The following ISL1 variants were observed in gnomAD, a reference collection of about 807,000 sequenced individuals.
The protein encoded by ISL1 is ISL LIM homeobox 1, also known as insulin gene enhancer protein ISL-1.
In ISL1, 4 loss-of-function variants were observed where a neutral mutation model predicts 35.3. The observed-to-expected ratio is 0.11, with a 90% CI of 0.06 to 0.26. The LOEUF is 0.26. Ranked by LOEUF, ISL1 falls within the 10% of genes least tolerant of loss-of-function variation. The probability of loss-of-function intolerance (pLI) is 1.00; values close to 1 mark genes in which losing one functional copy is unlikely to be tolerated. For missense variants in ISL1, 340 were observed against 472.8 expected (o/e 0.72, Z 2.60); for synonymous variants, 186 against 172.3 (o/e 1.08, Z -0.62).
At position 51,383,683 on chromosome 5, in the gene ISL1, G is replaced by A. The variant is rs1479416008; in HGVS notation, c.12G>A (p.Met4Ile). Residue 4 changes from methionine (M) to isoleucine (I), a missense_variant, in exon 1 of 6, where the codon ATG becomes ATA. Transcript: ENST00000230658. ...TCCCTCTTACAGATATGGGAGACAT[G>A]GGAGATCCACCAAAAAGTAAGAGGC... Reference protein sequence around the residue: MGDMGDPPKKKRLI... With the variant: MGDIGDPPKKKRLI... 6.2e-7 allele frequency: 1 copy of A among 1,611,220 alleles called. No individual in the cohort carries two copies. Among genetic ancestry groups the A allele is most frequent in the Non-Finnish European group, 8.5e-7 (1 of 1,177,428 alleles).
chr5:51,390,801 A>C (rs1203161826), intron 4 of ISL1, among the ~76,000 whole-genome samples: 1 of 151,492 alleles, frequency 6.6e-6, no homozygotes, highest in Non-Finnish European at 1.5e-5. Context: ...AATAGGAACC[A>C]GACCCAAATG....
Position 51,394,441 on chromosome 5 carries a change from A to C in ISL1, c.*831A>C, listed in dbSNP as rs2111862507. On this transcript the variant is annotated 3_prime_UTR_variant, in exon 6 of 6. Coordinates refer to ENST00000230658, the MANE Select transcript of ISL1 (RefSeq NM_002202.3). Reference sequence around the variant, plus strand: ...TGTTTTCTCTCTCTATGGAAATAAAAAGGAAAAAAAAAAAGGAAACTTTTT... The same window carrying C: ...TGTTTTCTCTCTCTATGGAAATAAACAGGAAAAAAAAAAAGGAAACTTTTT... The C allele has an allele frequency of 8.4e-6, 1 of 118,388 alleles. No homozygotes were observed. Among genetic ancestry groups the C allele is most frequent in the East Asian group, 2.0e-4 (1 of 4,934 alleles). The allele number at this position is 118,388 out of a possible 1,614,324, so 7.3% of individuals were successfully genotyped here.
rs777359230 is a variant in ISL1 at position 51,389,659 on chromosome 5, C to T, written c.492C>T (p.Ser164=). ...CTTGCCCCGCAGCGGAGCCCATCTC[C>T]GCCAGGCAGCCAGCCCTGCGGCCCC... ...RPLQMAAEPI[S]ARQPALRPHV... The change falls in exon 4 of 6, where the codon TCC becomes TCT. Residue 164 remains serine, a synonymous_variant. Coordinates refer to ENST00000230658, the MANE Select transcript of ISL1 (RefSeq NM_002202.3). This position sits in a 1 kb window ranked among gnomAD's most constrained non-coding sequence, Gnocchi z 5.0. The T allele has an allele frequency of 2.5e-6, 4 of 1,609,862 alleles. No individual in the cohort carries two copies. In the Admixed American group the frequency reaches 5.0e-5, roughly 20 times the overall value.
At chr5:51,385,683 G>A (rs369115015) in intron 2 of ISL1, among the ~76,000 whole-genome samples, 2 of 151,758 alleles carry the variant, frequency 1.3e-5, no homozygotes, top group African/African-American at 4.8e-5. Flanking sequence ...GCCTTAGAAA[G>A]CCAGTAGTCT....
chr5:51,390,900 C>T (rs1009972945), intron 4 of ISL1, among the ~76,000 whole-genome samples: 1 of 151,538 alleles, frequency 6.6e-6, no homozygotes, highest in Non-Finnish European at 1.5e-5. Flanking sequence ...CTCAGAAAAC[C>T]ACCCTGTCTA....
At position 51,387,411 on chromosome 5, in the gene ISL1, TGCC is replaced by T; in HGVS notation, c.219-77_219-75del. The T allele has an allele frequency of 6.6e-7, 1 of 1,505,348 alleles. No homozygotes were observed. The highest frequency in any genetic ancestry group is 2.4e-5 in the East Asian group (1 of 41,972). The allele number at this position is 1,505,348 out of a possible 1,614,324, so 93.2% of individuals were successfully genotyped here. ...TGCCCGGGATCTTGGGCCAGGGAAG[TGCC>T]GGCCTGAAGTGACCCCCTCTTCCTG... is the stretch of plus-strand genomic sequence containing the variant. On this transcript the variant is annotated intron_variant, in intron 2 of 5. Coordinates refer to ENST00000230658, the MANE Select transcript of ISL1 (RefSeq NM_002202.3). The surrounding 1 kb of genome is among the most constrained non-coding windows in gnomAD (Gnocchi z 4.3).
Position 51,389,574 on chromosome 5 carries a change from C to A in ISL1, c.479-72C>A. 7.5e-7 allele frequency: 1 copy of A among 1,334,834 alleles called. No individual in the cohort carries two copies. The highest frequency in any genetic ancestry group is 1.8e-5 in the South Asian group (1 of 55,216). 82.7% of individuals were successfully genotyped at this position (1,334,834 alleles called of 1,614,324 possible). A position where few individuals can be genotyped will look rare whatever the true frequency, so the allele number is the denominator to read the frequency against. On this transcript the variant is annotated intron_variant, in intron 3 of 5. Coordinates refer to ENST00000230658, the MANE Select transcript of ISL1 (RefSeq NM_002202.3). This position sits in a 1 kb window ranked among gnomAD's most constrained non-coding sequence, Gnocchi z 5.0. ...GCGGGCGGGCAAGCGAGCGAGCGAGCGAGCGCGCGACCGCGGGCGGGCCGG... is the reference window on the plus strand; with the variant it reads ...GCGGGCGGGCAAGCGAGCGAGCGAGAGAGCGCGCGACCGCGGGCGGGCCGG...
chr5:51,385,338 A>G (rs1232551200), intron 2 of ISL1, among the ~76,000 whole-genome samples: 1 of 152,228 alleles, frequency 6.6e-6, no homozygotes, highest in Non-Finnish European at 1.5e-5. Context: ...ATCTTTTTAA[A>G]TATTAACCCT....
intron 4 of ISL1, 123 bp from the exon 5 acceptor site, chr5:51,391,151 G>A (rs1747503848): frequency 2.3e-6 from 2 of 885,234 alleles, no homozygotes; most frequent in South Asian, 1.7e-5. Flanking sequence ...GATTAACTGA[G>A]TCAATAAAGA....
intron 5 of ISL1, 100 bp from the exon 6 acceptor site, chr5:51,393,394 A>G: frequency 2.6e-6 from 2 of 772,920 alleles, no homozygotes; most frequent in Admixed American, 1.8e-5. Context: ...TTACATATCT[A>G]TCTACACAAA....
chr5:51,387,576 T>C lies in ISL1; in HGVS notation c.305T>C (p.Ile102Thr). 2 of 1,614,220 alleles carry C rather than the reference T, an allele frequency of 1.2e-6. No homozygotes were observed. Among genetic ancestry groups the C allele is most frequent in the Non-Finnish European group, 1.7e-6 (2 of 1,180,044 alleles). The change falls in exon 3 of 6, where the codon ATC (isoleucine) becomes ACC (threonine). Residue 102 changes from isoleucine (I) to threonine (T), a missense_variant. Physicochemically the swap from Ile to Thr is moderately conservative, Grantham distance 89. This residue lies in a region of ISL1 where 70 missense variants were observed against 130.3 expected (regional missense o/e 0.54). Coordinates refer to ENST00000230658, the MANE Select transcript of ISL1 (RefSeq NM_002202.3). This position sits in a 1 kb window ranked among gnomAD's most constrained non-coding sequence, Gnocchi z 4.3. Reference sequence around the variant, plus strand: ...CGTGCCCGCTCCAAGGTGTATCACATCGAGTGTTTCCGCTGTGTGGCCTGC... The same window carrying C: ...CGTGCCCGCTCCAAGGTGTATCACACCGAGTGTTTCCGCTGTGTGGCCTGC... ...VMRARSKVYH[I>T]ECFRCVACSR...
At chr5:51,384,247 G>GC (rs1326683732) in intron 1 of ISL1, among the ~76,000 whole-genome samples, 10 of 147,496 alleles carry the variant, frequency 6.8e-5, no homozygotes, top group African/African-American at 2.5e-4. Flanking sequence ...AGAGGAAGGG[G>GC]GGGGGGAGAA....
In ISL1 at chr5:51,383,667, C is replaced by A; in HGVS notation, c.-5C>A. On this transcript the variant is annotated 5_prime_UTR_variant, in exon 1 of 6. Transcript: ENST00000230658. Reference sequence around the variant, plus strand: ...TCACTGTGGACATTACTCCCTCTTACAGATATGGGAGACATGGGAGATCCA... The same window carrying A: ...TCACTGTGGACATTACTCCCTCTTAAAGATATGGGAGACATGGGAGATCCA... 6.2e-7 allele frequency: 1 copy of A among 1,607,518 alleles called. No homozygotes were observed. Among genetic ancestry groups the A allele is most frequent in the Non-Finnish European group, 8.5e-7 (1 of 1,173,902 alleles).
chr5:51,390,033 T>C, intron 4 of ISL1, 101 bp downstream of exon 4: 1 of 1,351,768 alleles, frequency 7.4e-7, no homozygotes, highest in South Asian at 1.3e-5. Flanking sequence ...TCAATCCTGC[T>C]CCTGGGCAGG....
chr5:51,391,531 G>T (rs904126702), intron 5 of ISL1, 90 bp downstream of exon 5: 2 of 1,463,314 alleles, frequency 1.4e-6, no homozygotes, highest in Admixed American at 3.4e-5. Flanking sequence ...AGTGGGGAGG[G>T]TGCCTTCTTG....
chr5:51,388,047 C>T (rs754192814), intron 3 of ISL1, among the ~76,000 whole-genome samples: 1 of 152,238 alleles, frequency 6.6e-6, no homozygotes, highest in Non-Finnish European at 1.5e-5. Context: ...ACTTCCAGTT[C>T]GCTCTGGCCT....
chr5:51,384,902 C>T (rs1285020832), intron 2 of ISL1, among the ~76,000 whole-genome samples, 172 bp downstream of exon 2: 1 of 152,148 alleles, frequency 6.6e-6, no homozygotes, highest in Non-Finnish European at 1.5e-5. Flanking sequence ...CTGTTCATTT[C>T]ATTCTTTAGT....
chr5:51,390,463 G>A (rs966005729), intron 4 of ISL1, among the ~76,000 whole-genome samples: 10 of 151,958 alleles, frequency 6.6e-5, no homozygotes, highest in African/African-American at 2.2e-4. Context: ...CCCCCAAGGT[G>A]ACCCGCATGC....
In ISL1 at chr5:51,387,735, C is replaced by T. The variant is rs1383384862; in HGVS notation, c.464C>T (p.Pro155Leu). ...DPLSPLHPAR[P>L]LQMAAEPISA... ...CTCAGTCCCCTGCATCCAGCGCGGC[C>T]ACTGCAAATGGCAGGTACTCCTCTG... The change falls in exon 3 of 6, where the codon CCA (proline) becomes CTA (leucine). Residue 155 changes from proline to leucine, a missense_variant. Physicochemically the swap from Pro to Leu is moderately conservative, Grantham distance 98. This residue lies in a region of ISL1 where 94 missense variants were observed against 102.1 expected (regional missense o/e 0.92). Transcript: ENST00000230658. This position sits in a 1 kb window ranked among gnomAD's most constrained non-coding sequence, Gnocchi z 4.3. 2 of 1,614,170 alleles carry T rather than the reference C, an allele frequency of 1.2e-6. No homozygotes were observed. The highest frequency in any genetic ancestry group is 3.3e-5 in the Admixed American group (2 of 60,036).
Sources: allele counts gnomAD v4.1 joint callset (sites outside exome capture counted in the v4.1 genomes callset), GRCh38; gene constraint gnomAD v4.1.1; regional missense constraint gnomAD v4.1.1; non-coding constraint Gnocchi (gnomAD v3.1); transcripts MANE v1.5; gene names NCBI Gene and HGNC (gene_info 2026-07-23, HGNC 2026-07-21).